LAMA2: variants seen among roughly 807,000 people sequenced by gnomAD.
The protein encoded by LAMA2 is laminin subunit alpha-2.
A neutral mutation model predicts 364.8 loss-of-function variants in LAMA2; 269 were observed. The ratio of observed to expected loss-of-function variants is 0.74; its 90% CI spans 0.67 to 0.82. The LOEUF (loss-of-function observed/expected upper bound fraction) is 0.82. Ranked by LOEUF, LAMA2 falls within the 40% of genes least tolerant of loss-of-function variation. LAMA2 has a pLI of 0.00. For missense variants in LAMA2, 3,807 were observed against 3,873.2 expected, an observed-to-expected ratio of 0.98 and a Z score of 0.45; for synonymous variants, 1,379 against 1,370.6, an observed-to-expected ratio of 1.01 and a Z score of -0.14.
At chr6:129,208,057 G>A (rs1450943873) in intron 12 of LAMA2, among the ~76,000 whole-genome samples, 1 of 152,180 alleles carries the variant, frequency 6.6e-6, no homozygotes, top group East Asian at 1.9e-4. Flanking sequence ...AAGGAAGTTA[G>A]CTTAGATGGA....
At position 128,987,772 on chromosome 6, in the gene LAMA2, A is replaced by G. The variant is rs534271124; in HGVS notation, c.113-62146A>G. Among the ~76,000 whole-genome samples, 557 of 152,288 alleles carry G rather than the reference A, an allele frequency of 3.7e-3. 3 individuals are homozygous for G. Among genetic ancestry groups the G allele is most frequent in the African/African-American group, 0.013 (521 of 41,562 alleles). ...TGTTTCACCTTAGACAAGTCAGCCAACTTTTTTCATCTGCTCCACAGATCT... is the reference window on the plus strand; with the variant it reads ...TGTTTCACCTTAGACAAGTCAGCCAGCTTTTTTCATCTGCTCCACAGATCT... On this transcript the variant is annotated intron_variant, in intron 1 of 64. Coordinates refer to ENST00000421865, the MANE Select transcript of LAMA2 (RefSeq NM_000426.4).
chr6:129,299,624 A>G (rs1013320374), intron 21 of LAMA2, among the ~76,000 whole-genome samples: 2 of 152,106 alleles, frequency 1.3e-5, no homozygotes, highest in Admixed American at 1.3e-4. Context: ...AATGGTAACT[A>G]TTTTTCTTCT....
intron 39 of LAMA2, 62 bp from the exon 40 acceptor site, chr6:129,403,759 G>T: frequency 2.0e-6 from 3 of 1,486,584 alleles, no homozygotes; most frequent in Non-Finnish European, 2.8e-6. Context: ...ATATAATTAG[G>T]ACGTTCTTCA....
At chr6:129,203,821 T>C (rs1782449269) in intron 12 of LAMA2, among the ~76,000 whole-genome samples, 2 of 152,320 alleles carry the variant, frequency 1.3e-5, no homozygotes, top group Admixed American at 6.5e-5. Flanking sequence ...ATCTTGGACA[T>C]ATCCCTTAAT....
chr6:129,304,949 G>A (rs1324967279), intron 22 of LAMA2, among the ~76,000 whole-genome samples: 1 of 152,136 alleles, frequency 6.6e-6, no homozygotes, highest in Non-Finnish European at 1.5e-5. Context: ...TTCTGGAGTT[G>A]TTGGATGAAA....
intron 1 of LAMA2, among the ~76,000 whole-genome samples, chr6:128,935,969 G>A (rs1171628337): frequency 1.3e-5 from 2 of 152,100 alleles, no homozygotes; most frequent in Non-Finnish European, 2.9e-5. Context: ...AATCATGGAG[G>A]CCAGTTTCCC....
intron 12 of LAMA2, among the ~76,000 whole-genome samples, chr6:129,214,758 G>T (rs1375146700): frequency 6.6e-6 from 1 of 152,118 alleles, no homozygotes; most frequent in African/African-American, 2.4e-5. Flanking sequence ...TGTGTTGGCT[G>T]TTCTTGGTCT....
intron 1 of LAMA2, among the ~76,000 whole-genome samples, chr6:128,958,475 C>T (rs1347605583): frequency 6.6e-6 from 1 of 152,102 alleles, no homozygotes; most frequent in Admixed American, 6.6e-5. Context: ...ATTCCTTTCC[C>T]TCCCTTCAGA....
rs1167267580 is a variant in LAMA2, at chr6:129,291,657, C to T, written c.2793C>T (p.His931=). Residue 931 remains histidine (H), a synonymous_variant, in exon 20 of 65, where the codon CAC becomes CAT. Transcript: ENST00000421865. The part of the protein sequence containing the change: ...NAGGSFSEVC[H]SQTGQCECRA... ...GTGGCTCTTTCTCTGAGGTTTGCCA[C>T]AGTCAAACTGGACAGTGTGAGTGCA... 1 of 1,614,166 alleles carries T rather than the reference C, an allele frequency of 6.2e-7. No individual in the cohort carries two copies. The highest frequency in any genetic ancestry group is 8.5e-7 in the Non-Finnish European group (1 of 1,180,004).
chr6:129,460,668 A>G (rs1783205217), intron 49 of LAMA2, among the ~76,000 whole-genome samples: 3 of 151,906 alleles, frequency 2.0e-5, no homozygotes, highest in Admixed American at 6.6e-5. Flanking sequence ...CCTCATTGTT[A>G]TAATTTTTTT....
intron 27 of LAMA2, among the ~76,000 whole-genome samples, chr6:129,317,274 A>G (rs1321090544): frequency 6.6e-6 from 1 of 152,216 alleles, no homozygotes; most frequent in Non-Finnish European, 1.5e-5. Context: ...ATGAGAATAT[A>G]GAATCGATAT....
chr6:129,501,120 G>A (rs757755879), intron 58 of LAMA2, among the ~76,000 whole-genome samples: 9 of 152,242 alleles, frequency 5.9e-5, no homozygotes, highest in Non-Finnish European at 1.0e-4. Flanking sequence ...TTATCGAGAC[G>A]GTCCTCTGTC....
intron 12 of LAMA2, among the ~76,000 whole-genome samples, chr6:129,221,201 GA>G (rs1783816008): frequency 6.8e-6 from 1 of 148,064 alleles, no homozygotes; most frequent in Non-Finnish European, 1.5e-5. Flanking sequence ...CCTGAACCTA[GA>G]AACGGACCTA....
At chr6:129,064,076 TC>T in intron 3 of LAMA2, among the ~76,000 whole-genome samples, 1 of 152,264 alleles carries the variant, frequency 6.6e-6, no homozygotes, top group South Asian at 2.1e-4. Flanking sequence ...CTCATGCTCT[TC>T]TTACTGATTC....
intron 16 of LAMA2, among the ~76,000 whole-genome samples, chr6:129,269,980 T>A (rs1223228052): frequency 6.6e-6 from 1 of 152,096 alleles, no homozygotes; most frequent in Non-Finnish European, 1.5e-5. Flanking sequence ...CATATCCACA[T>A]TTAGTTGATG....
At chr6:129,315,988 A>AATGGTTTTG (rs1562451429) in intron 26 of LAMA2, 38 bp downstream of exon 26, 2 of 1,613,610 alleles carry the variant, frequency 1.2e-6, no homozygotes, top group Non-Finnish European at 1.7e-6. Flanking sequence ...GATACCAATC[A>AATGGTTTTG]ATGGTTTTGC....
chr6:129,464,271 G>A lies in LAMA2; in HGVS notation c.6993-19G>A. On this transcript the variant is annotated intron_variant, in intron 49 of 64. Transcript: ENST00000421865. ...TGAATAGATATGATCTGATTCATGT[G>A]AAATGTCTCTCTTCTCAGTCCTCAG... The A allele has an allele frequency of 6.2e-7, 1 of 1,603,636 alleles. No homozygotes were observed. Among genetic ancestry groups the A allele is most frequent in the Middle Eastern group, 1.7e-4 (1 of 6,002 alleles).
At chr6:129,268,453 A>T (rs140006118) in intron 16 of LAMA2, among the ~76,000 whole-genome samples, 322 of 152,188 alleles carry the variant, frequency 2.1e-3, no homozygotes, top group African/African-American at 6.3e-3. Context: ...GACAAAAATA[A>T]GTATGTCATA....
intron 22 of LAMA2, among the ~76,000 whole-genome samples, chr6:129,302,970 T>C (rs923546396): frequency 1.3e-5 from 2 of 152,130 alleles, no homozygotes; most frequent in Non-Finnish European, 2.9e-5. Flanking sequence ...CTTTTAAATT[T>C]AGCATGTCAA....
Sources: gnomAD v4.1 joint callset for allele counts (sites outside exome capture counted in the v4.1 genomes callset) on GRCh38, gnomAD v4.1.1 for gene constraint, MANE v1.5 for transcripts, NCBI Gene and HGNC (gene_info 2026-07-23, HGNC 2026-07-21) for gene names.